HECW1: variants seen among roughly 807,000 people sequenced by gnomAD.
HECW1 encodes the protein HECT, C2 and WW domain containing E3 ubiquitin protein ligase 1, also known as E3 ubiquitin-protein ligase HECW1.
HECW1 carries 61 observed loss-of-function variants against 182.3 expected under a neutral mutation model. That is an observed-to-expected ratio of 0.33 (90% CI 0.27 to 0.41). The LOEUF (loss-of-function observed/expected upper bound fraction) is 0.41. HECW1 is among the 10% of genes least tolerant of loss of function. The pLI is 1.00. For synonymous variants in HECW1, 859 were observed against 832.6 expected (o/e 1.03, Z -0.55); for missense variants, 1,739 against 2,108.9 (o/e 0.82, Z 3.44).
At chr7:43,508,197 T>C in intron 23 of HECW1, 66 bp downstream of exon 23, 1 of 1,054,374 alleles carries the variant, frequency 9.5e-7, no homozygotes, top group Non-Finnish European at 1.5e-6. Flanking sequence ...GGGTCAGGGG[T>C]GATTTTTCTC....
In HECW1 at chr7:43,550,466, T is replaced by G; in HGVS notation, c.4270T>G (p.Ser1424Ala). The G allele has an allele frequency of 6.2e-7, 1 of 1,614,068 alleles. No homozygotes were observed. Residue 1424 changes from serine (S) to alanine (A), a missense_variant, in exon 27 of 30, where the codon TCT becomes GCT. By Grantham distance (99) the Ser-to-Ala change is moderately conservative. Transcript: ENST00000395891. ...FGQVTERELK[S>A]GGANTQVTEK... Reference sequence around the variant, plus strand: ...CAAGGTCACGGAAAGGGAGTTGAAGTCTGGAGGAGCCAACACACAGGTGAC... The same window carrying G: ...CAAGGTCACGGAAAGGGAGTTGAAGGCTGGAGGAGCCAACACACAGGTGAC...
chr7:43,122,777 T>C (rs1056221549), intron 2 of HECW1, among the ~76,000 whole-genome samples: 2 of 152,190 alleles, frequency 1.3e-5, no homozygotes, highest in Non-Finnish European at 2.9e-5. Flanking sequence ...ACCAAGGGAC[T>C]ACTAAATCAC....
At chr7:43,486,004 C>T (rs1014989650) in intron 17 of HECW1, among the ~76,000 whole-genome samples, 1 of 152,068 alleles carries the variant, frequency 6.6e-6, no homozygotes, top group Admixed American at 6.6e-5. Flanking sequence ...GCTCTTCCTC[C>T]CCCAGCCCCC....
At chr7:43,151,927 A>G (rs530332417) in intron 2 of HECW1, among the ~76,000 whole-genome samples, 46 of 152,310 alleles carry the variant, frequency 3.0e-4, no homozygotes, top group Non-Finnish European at 5.0e-4. Flanking sequence ...AGACACATAC[A>G]TATACATATC....
At chr7:43,200,910 C>G (rs925591843) in intron 2 of HECW1, among the ~76,000 whole-genome samples, 4 of 152,130 alleles carry the variant, frequency 2.6e-5, no homozygotes, top group African/African-American at 9.7e-5. Context: ...CAAAGCGGCT[C>G]GATGGAAGGA....
At chr7:43,361,064 G>A (rs1451365731) in intron 6 of HECW1, 84 bp downstream of exon 6, 3 of 477,480 alleles carry the variant, frequency 6.3e-6, no homozygotes, top group African/African-American at 9.8e-5. Context: ...GTGCGTGTGT[G>A]TGTGTGTGTG....
Position 43,492,098 on chromosome 7 carries a change from A to G in HECW1, c.3258A>G (p.Arg1086=), listed in dbSNP as rs2078953284. The G allele has an allele frequency of 6.2e-7, 1 of 1,605,550 alleles. No individual in the cohort carries two copies. Among genetic ancestry groups the G allele is most frequent in the Non-Finnish European group, 8.5e-7 (1 of 1,177,670 alleles). ...AGGCCTCAGAAGTTTCTAGAAACAGAGGAGCCTCTTTACTGGCCAGGCCAG... is the reference window on the plus strand; with the variant it reads ...AGGCCTCAGAAGTTTCTAGAAACAGGGGAGCCTCTTTACTGGCCAGGCCAG... The part of the protein sequence containing the change: ...AGEASEVSRN[R]GASLLARPGH... The change falls in exon 18 of 30, where the codon AGA becomes AGG. Residue 1086 remains arginine (R), a synonymous_variant. Coordinates refer to ENST00000395891, the MANE Select transcript of HECW1 (RefSeq NM_015052.5).
chr7:43,248,871 G>GACCC (rs1799734815), intron 3 of HECW1: 1 of 152,262 alleles, frequency 6.6e-6, no homozygotes, highest in South Asian at 2.1e-4. Context: ...GAATCTGTGT[G>GACCC]CATGTGAGGC....
At chr7:43,139,861 C>A (rs1297170477) in intron 2 of HECW1, among the ~76,000 whole-genome samples, 1 of 152,150 alleles carries the variant, frequency 6.6e-6, no homozygotes, top group African/African-American at 2.4e-5. Context: ...CCTTCCCAAC[C>A]ATTACTGTCT....
chr7:43,219,319 T>A (rs976752810), intron 2 of HECW1, among the ~76,000 whole-genome samples: 1 of 152,128 alleles, frequency 6.6e-6, no homozygotes, highest in Non-Finnish European at 1.5e-5. Context: ...CAAGAAATGT[T>A]TCTGGAGCCG....
intron 8 of HECW1, among the ~76,000 whole-genome samples, chr7:43,422,134 G>T (rs574730289): frequency 1.3e-5 from 2 of 152,028 alleles, no homozygotes; most frequent in Non-Finnish European, 2.9e-5. Flanking sequence ...TGGAGGAAAC[G>T]TAATTGCGGT....
At chr7:43,367,744 A>C (rs1012407190) in intron 6 of HECW1, among the ~76,000 whole-genome samples, 3 of 152,200 alleles carry the variant, frequency 2.0e-5, no homozygotes, top group African/African-American at 7.2e-5. Context: ...CTTTGTCTCC[A>C]TTCTCAAAAG....
At chr7:43,376,821 G>A (rs573865639) in intron 6 of HECW1, among the ~76,000 whole-genome samples, 21 of 151,970 alleles carry the variant, frequency 1.4e-4, no homozygotes, top group Admixed American at 7.9e-4. Context: ...AGCCGAGATC[G>A]TGCCATTGCA....
chr7:43,513,848 A>G (rs2079999407), intron 24 of HECW1, among the ~76,000 whole-genome samples: 1 of 152,124 alleles, frequency 6.6e-6, no homozygotes, highest in Non-Finnish European at 1.5e-5. Flanking sequence ...TATTCAGGCC[A>G]AAGAGAAAGA....
intron 2 of HECW1, among the ~76,000 whole-genome samples, chr7:43,217,783 C>T (rs1796571962): frequency 1.3e-5 from 2 of 152,356 alleles, no homozygotes; most frequent in East Asian, 1.9e-4. Flanking sequence ...AAAGACTTAA[C>T]ACCCACCACT....
At chr7:43,198,137 C>T (rs1157376737) in intron 2 of HECW1, among the ~76,000 whole-genome samples, 3 of 149,646 alleles carry the variant, frequency 2.0e-5, no homozygotes, top group Non-Finnish European at 4.5e-5. Flanking sequence ...AGTCACACAC[C>T]CCACACTCTC....
intron 2 of HECW1, among the ~76,000 whole-genome samples, chr7:43,160,974 A>G (rs1790465867): frequency 6.7e-6 from 1 of 150,226 alleles, no homozygotes; most frequent in African/African-American, 2.4e-5. Flanking sequence ...CTCCATTTCT[A>G]CAGGTTTTTT....
At chr7:43,117,799 A>G (rs1047828882) in intron 2 of HECW1, 4 of 152,234 alleles carry the variant, frequency 2.6e-5, no homozygotes, top group East Asian at 3.8e-4. Context: ...TAATAATGCA[A>G]TTACTTACTG....
intron 14 of HECW1, among the ~76,000 whole-genome samples, chr7:43,465,500 T>C (rs538919250): frequency 2.2e-4 from 34 of 152,272 alleles, no homozygotes; most frequent in African/African-American, 8.2e-4. Context: ...AGTGGCAGGG[T>C]TACCAGAGAG....
Sources: allele counts gnomAD v4.1 joint callset (sites outside exome capture counted in the v4.1 genomes callset), GRCh38; gene constraint gnomAD v4.1.1; transcripts MANE v1.5; gene names NCBI Gene and HGNC (gene_info 2026-07-23, HGNC 2026-07-21).